ZRANB3: variants seen among roughly 807,000 people sequenced by gnomAD.
ZRANB3 encodes zinc finger RANBP2-type containing 3.
ZRANB3 carries 125 observed loss-of-function variants against 133.8 expected under a neutral mutation model. The ratio of observed to expected loss-of-function variants is 0.93; its 90% CI spans 0.81 to 1.08. ZRANB3 has a LOEUF of 1.08. Ranked by LOEUF, ZRANB3 falls within the 50% of genes least tolerant of loss-of-function variation. The pLI is 0.00. For synonymous variants in ZRANB3, 387 were observed against 432.7 expected (o/e 0.89, Z 1.31); for missense variants, 1,229 against 1,275.5 (o/e 0.96, Z 0.56).
At chr2:135,246,022 T>C (rs1230668501) in intron 12 of ZRANB3, among the ~76,000 whole-genome samples, 3 of 148,276 alleles carry the variant, frequency 2.0e-5, no homozygotes, top group African/African-American at 7.4e-5. Context: ...TTTTCTTTTC[T>C]TTTCTTTTCT....
chr2:135,431,772 C>A (rs555716731), intron 2 of ZRANB3, among the ~76,000 whole-genome samples: 109 of 152,202 alleles, frequency 7.2e-4, no homozygotes, highest in African/African-American at 2.4e-3. Flanking sequence ...TATATACCTA[C>A]TAGAATGTCT....
intron 8 of ZRANB3, among the ~76,000 whole-genome samples, chr2:135,286,463 T>C (rs1681372193): frequency 6.6e-6 from 1 of 152,010 alleles, no homozygotes. Flanking sequence ...TTTTTGGTAG[T>C]GACGGGGTTT....
rs186114795 is a variant in ZRANB3 at position 135,324,894 on chromosome 2, T to G, written c.678-9364A>C. On this transcript the variant is annotated intron_variant, in intron 6 of 20. Coordinates refer to ENST00000264159, the MANE Select transcript of ZRANB3 (RefSeq NM_032143.4). ...AAATGTCTTCTTTTGAGAAGTGTCT[T>G]TTCATATCCTTTGCCCACTTGTTGA... 8.9e-3 allele frequency among the ~76,000 whole-genome samples: 1,357 copies of G among 151,918 alleles called. 18 individuals carry two copies. The highest frequency in any genetic ancestry group is 0.031 in the African/African-American group (1,291 of 41,194).
chr2:135,206,364 G>T (rs779965112), intron 19 of ZRANB3, among the ~76,000 whole-genome samples: 1 of 151,574 alleles, frequency 6.6e-6, no homozygotes, highest in African/African-American at 2.4e-5. Flanking sequence ...CTCAGCTCCC[G>T]AGTAGTTGGG....
intron 19 of ZRANB3, among the ~76,000 whole-genome samples, chr2:135,203,870 C>T (rs1362119129): frequency 6.6e-6 from 1 of 152,114 alleles, no homozygotes; most frequent in East Asian, 1.9e-4. Flanking sequence ...TTTATTTAGG[C>T]CAGTCCATAT....
chr2:135,461,080 G>A (rs1302016363), intron 2 of ZRANB3, among the ~76,000 whole-genome samples: 1 of 152,168 alleles, frequency 6.6e-6, no homozygotes, highest in Non-Finnish European at 1.5e-5. Context: ...CTATTGGATA[G>A]CAATAGAGAA....
At chr2:135,341,034 T>C (rs984055943) in intron 6 of ZRANB3, among the ~76,000 whole-genome samples, 2 of 149,744 alleles carry the variant, frequency 1.3e-5, no homozygotes, top group East Asian at 3.8e-4. Context: ...ATTGATTGAT[T>C]GATTGATTTT....
In ZRANB3 at chr2:135,203,105, G is replaced by C. The variant is rs529271086; in HGVS notation, c.3010-142C>G. The C allele has an allele frequency of 7.7e-5, 77 of 993,854 alleles. No homozygotes were observed. The African/African-American group carries it at 9.7e-4, about 13-fold the overall frequency. The allele number at this position is 993,854 out of a possible 1,614,324, so 61.6% of individuals were successfully genotyped here. On this transcript the variant is annotated intron_variant, in intron 19 of 20. Coordinates refer to ENST00000264159, the MANE Select transcript of ZRANB3 (RefSeq NM_032143.4). ...AGGAGAGCTTTTTATAGCTTTTATT[G>C]TGAGTAGAAAAAACCCTCTGTTAGA... is the stretch of plus-strand genomic sequence containing the variant.
At chr2:135,297,419 A>G (rs948728660) in intron 8 of ZRANB3, among the ~76,000 whole-genome samples, 2 of 152,056 alleles carry the variant, frequency 1.3e-5, no homozygotes, top group African/African-American at 4.8e-5. Flanking sequence ...TGTGAAGCCC[A>G]TTGGAAAAGC....
At position 135,208,925 on chromosome 2, in the gene ZRANB3, A is replaced by G. The variant is rs770273015; in HGVS notation, c.2549T>C (p.Val850Ala). ...AVASMDKVKN[V>A]GGHVRLITKE... is the part of the protein sequence containing the mutation. ...TGTGATCAGACGGACATGGCCCCCA[A>G]CATTCTTCACTTTGTCCATTGAGGC... The change falls in exon 18 of 21, where the codon GTT becomes GCT. Residue 850 changes from valine (V) to alanine (A), a missense_variant. Physicochemically the swap from Val to Ala is moderately conservative, Grantham distance 64 (BLOSUM62 0). Transcript: ENST00000264159. The G allele has an allele frequency of 6.8e-6, 11 of 1,613,868 alleles. No individual in the cohort carries two copies. Among genetic ancestry groups the G allele is most frequent in the Admixed American group, 6.7e-5 (4 of 60,004 alleles).
chr2:135,492,186 T>C (rs886176200), intron 2 of ZRANB3, among the ~76,000 whole-genome samples: 2 of 152,174 alleles, frequency 1.3e-5, no homozygotes, highest in Non-Finnish European at 2.9e-5. Context: ...ACTATGATAA[T>C]TGCATAAAGA....
At chr2:135,490,640 C>A (rs1281607166) in intron 2 of ZRANB3, among the ~76,000 whole-genome samples, 2 of 152,178 alleles carry the variant, frequency 1.3e-5, no homozygotes, top group African/African-American at 2.4e-5. Context: ...AATTCCACTA[C>A]TGGGTATATA....
rs1267239943 is a variant in ZRANB3, at chr2:135,353,758, T to C, written c.181-130A>G. 5 of 559,962 alleles carry C rather than the reference T, an allele frequency of 8.9e-6. No homozygotes were observed. In the East Asian group the frequency reaches 1.3e-4, roughly 15 times the overall value. The allele number at this position is 559,962 out of a possible 1,614,324, so 34.7% of individuals were successfully genotyped here. On this transcript the variant is annotated intron_variant, in intron 3 of 20. Coordinates refer to ENST00000264159, the MANE Select transcript of ZRANB3 (RefSeq NM_032143.4). ...GCTCATGACTGTAATCCCAGCACTTTGGGAGGCTGATGCAGGTGGATCGCT... is the reference window on the plus strand; with the variant it reads ...GCTCATGACTGTAATCCCAGCACTTCGGGAGGCTGATGCAGGTGGATCGCT...
At chr2:135,452,971 T>C (rs1276922476) in intron 2 of ZRANB3, among the ~76,000 whole-genome samples, 1 of 152,248 alleles carries the variant, frequency 6.6e-6, no homozygotes, top group African/African-American at 2.4e-5. Context: ...CCTTCCACAC[T>C]GCCCTAACAG....
intron 2 of ZRANB3, among the ~76,000 whole-genome samples, chr2:135,451,811 T>C (rs1274542770): frequency 2.0e-5 from 3 of 152,240 alleles, no homozygotes; most frequent in African/African-American, 7.2e-5. Flanking sequence ...TGACTTAGCA[T>C]GTTTGAGATA....
intron 2 of ZRANB3, among the ~76,000 whole-genome samples, chr2:135,474,745 C>T (rs909140364): frequency 6.6e-6 from 1 of 152,066 alleles, no homozygotes; most frequent in Non-Finnish European, 1.5e-5. Context: ...AGGACTAATG[C>T]AAGGATGGAT....
intron 15 of ZRANB3, among the ~76,000 whole-genome samples, chr2:135,220,152 G>A (rs140570116): frequency 2.0e-5 from 3 of 151,884 alleles, no homozygotes; most frequent in African/African-American, 7.2e-5. Context: ...TGATTCTCCC[G>A]CCTCCGCCTC....
intron 8 of ZRANB3, among the ~76,000 whole-genome samples, chr2:135,292,378 G>T (rs1249422081): frequency 6.6e-6 from 1 of 152,202 alleles, no homozygotes. Context: ...GTGTCTTTTG[G>T]CTGCATAAAT....
intron 12 of ZRANB3, among the ~76,000 whole-genome samples, chr2:135,262,719 T>A (rs1278694561): frequency 6.6e-6 from 1 of 151,716 alleles, no homozygotes; most frequent in Non-Finnish European, 1.5e-5. Flanking sequence ...ACTTTGAAGC[T>A]GCAGTGAGCT....
Sources: allele counts gnomAD v4.1 joint callset (sites outside exome capture counted in the v4.1 genomes callset), GRCh38; gene constraint gnomAD v4.1.1; transcripts MANE v1.5; gene names NCBI Gene and HGNC (gene_info 2026-07-23, HGNC 2026-07-21).